RPN2: variants seen among roughly 807,000 people sequenced by gnomAD.
The protein encoded by RPN2 is dolichyl-diphosphooligosaccharide--protein glycosyltransferase subunit 2.
A neutral mutation model predicts 71.4 loss-of-function variants in RPN2; 29 were observed. That is an observed-to-expected ratio of 0.41 (90% confidence interval 0.30 to 0.55). RPN2 has a LOEUF of 0.55. RPN2 is among the 20% of genes least tolerant of loss of function. The pLI is 0.35. For missense variants in RPN2, 726 were observed against 774.1 expected (o/e 0.94, Z 0.74); for synonymous variants, 308 against 305.0 (o/e 1.01, Z -0.10).
intron 2 of RPN2, among the ~76,000 whole-genome samples, chr20:37,197,162 T>C (rs1298825252): frequency 6.6e-6 from 1 of 152,092 alleles, no homozygotes; most frequent in Non-Finnish European, 1.5e-5. Flanking sequence ...GTTAGGGCTA[T>C]GGTGATGCAG....
At position 37,234,043 on chromosome 20, in the gene RPN2, C is replaced by T. The variant is rs757241492; in HGVS notation, c.1701C>T (p.Val567=). Residue 567 remains valine, a synonymous_variant, in exon 15 of 17, where the codon GTC becomes GTT. Transcript: ENST00000237530. ...FALWIRIGAN[V]SNFTFAPSTI... ...AGTGGATCCGGATTGGTGCCAATGT[C>T]TCCAACTTCACTTTTGCTCCTAGCA... The T allele has an allele frequency of 1.2e-6, 2 of 1,614,208 alleles. No homozygotes were observed. The highest frequency in any genetic ancestry group is 1.7e-5 in the Admixed American group (1 of 60,030).
Position 37,210,028 on chromosome 20 carries a change from A to G in RPN2, c.868-19A>G. The G allele has an allele frequency of 1.2e-6, 2 of 1,612,858 alleles. No homozygotes were observed. Among genetic ancestry groups the G allele is most frequent in the South Asian group, 2.2e-5 (2 of 91,070 alleles). On this transcript the variant is annotated intron_variant, in intron 7 of 16. Coordinates refer to ENST00000237530, the MANE Select transcript of RPN2 (RefSeq NM_002951.5). ...CCTGTAGCCTTTGTTGTAACAAATAATTTTTTATTTATTTCCAGTTGCAAG... is the reference window on the plus strand; with the variant it reads ...CCTGTAGCCTTTGTTGTAACAAATAGTTTTTTATTTATTTCCAGTTGCAAG...
intron 14 of RPN2, 74 bp downstream of exon 14, chr20:37,232,465 G>A: frequency 6.4e-7 from 1 of 1,561,876 alleles, no homozygotes; most frequent in Non-Finnish European, 8.8e-7. Flanking sequence ...TCCAAAGGAG[G>A]CTGTGTTGTC....
chr20:37,181,699 G>A (rs907984964), intron 1 of RPN2, among the ~76,000 whole-genome samples: 2 of 152,172 alleles, frequency 1.3e-5, no homozygotes, highest in African/African-American at 4.8e-5. Flanking sequence ...GGTTAGAGGT[G>A]TGAGCCACTG....
Position 37,189,323 on chromosome 20 carries a change from ATGTGTGTGTGTGTGTGTG to A in RPN2, c.207+4971_207+4988del, listed in dbSNP as rs11474653. Among the ~76,000 whole-genome samples, 5 of 64,602 alleles carry A rather than the reference ATGTGTGTGTGTGTGTGTG, an allele frequency of 7.7e-5. No homozygotes were observed. The South Asian group carries it at 2.1e-3, about 27-fold the overall frequency. The allele number at this position is 64,602 out of a possible 152,430, so 42.4% of individuals were successfully genotyped here. On this transcript the variant is annotated intron_variant, in intron 2 of 16. Transcript: ENST00000237530. ...CCAATGGGCCAAACTGTGTGTGTGT[ATGTGTGTGTGTGTGTGTG>A]TGTGTGTGTGTGTGTGTGTGAACAT...
In RPN2 at chr20:37,225,814, A is replaced by T. The variant is rs201444880; in HGVS notation, c.1299+12A>T. On this transcript the variant is annotated intron_variant, in intron 11 of 16. Transcript: ENST00000237530. ...TCACTCCTCACCAGGTCAGGAAGAC[A>T]CCTAGACAGTTCTCTTAACCTGAAA... is the stretch of plus-strand genomic sequence containing the variant. 275 of 1,545,368 alleles carry T rather than the reference A, an allele frequency of 1.8e-4. 2 individuals carry two copies. Among genetic ancestry groups the T allele is most frequent in the East Asian group, 1.3e-4 (6 of 44,520 alleles).
chr20:37,184,236 A>C lies in RPN2; in HGVS notation c.70A>C (p.Thr24Pro), dbSNP rs751824140. The C allele has an allele frequency of 1.2e-6, 2 of 1,614,078 alleles. No homozygotes were observed. The highest frequency in any genetic ancestry group is 2.2e-5 in the South Asian group (2 of 91,086). The change falls in exon 2 of 17, where the codon ACG becomes CCG. Residue 24 changes from threonine to proline, a missense_variant. Physicochemically the swap from Thr to Pro is conservative, Grantham distance 38. Coordinates refer to ENST00000237530, the MANE Select transcript of RPN2 (RefSeq NM_002951.5). ...LTIIASTWALTPTHYLTKHDV... is the reference protein window; with the variant it reads ...LTIIASTWALPPTHYLTKHDV... ...AATCATAGCCAGCACCTGGGCTCTG[A>C]CGCCCACTCACTACCTCACCAAGCA... is the stretch of plus-strand genomic sequence containing the variant.
intron 2 of RPN2, among the ~76,000 whole-genome samples, chr20:37,191,369 G>A (rs368439405): frequency 8.7e-4 from 130 of 149,298 alleles, no homozygotes; most frequent in African/African-American, 2.9e-3. Flanking sequence ...CCAGCTACTC[G>A]GGAGGCCGAG....
chr20:37,210,063 T>G lies in RPN2; in HGVS notation c.884T>G (p.Val295Gly), dbSNP rs905032943. ...QAILRLQVTNVLSQPLTQATV... is the reference protein window; with the variant it reads ...QAILRLQVTNGLSQPLTQATV... ...TATTTCCAGTTGCAAGTCACCAATGTTCTGTCTCAGCCTCTGACTCAGGCC... is the reference window on the plus strand; with the variant it reads ...TATTTCCAGTTGCAAGTCACCAATGGTCTGTCTCAGCCTCTGACTCAGGCC... Residue 295 changes from valine to glycine, a missense_variant, in exon 8 of 17, where the codon GTT becomes GGT. Transcript: ENST00000237530. 17 of 1,614,010 alleles carry G rather than the reference T, an allele frequency of 1.1e-5. No individual in the cohort carries two copies. The highest frequency in any genetic ancestry group is 1.4e-5 in the Non-Finnish European group (17 of 1,180,016).
At chr20:37,213,625 G>C (rs746048392) in intron 8 of RPN2, 135 bp from the exon 9 acceptor site, 19 of 719,670 alleles carry the variant, frequency 2.6e-5, no homozygotes, top group Non-Finnish European at 4.5e-5. Context: ...GATTGCCCAA[G>C]TGGGGTGGGA....
intron 2 of RPN2, among the ~76,000 whole-genome samples, chr20:37,191,229 C>T (rs1166267437): frequency 6.6e-6 from 1 of 152,152 alleles, no homozygotes; most frequent in Non-Finnish European, 1.5e-5. Flanking sequence ...GTAATCTCAG[C>T]ACTTTGGGAG....
chr20:37,232,163 T>A (rs991252328), intron 13 of RPN2, 133 bp from the exon 14 acceptor site: 18 of 1,081,788 alleles, frequency 1.7e-5, no homozygotes, highest in Non-Finnish European at 2.5e-5. Context: ...TGCCCACTTG[T>A]TGCCAAGAGG....
intron 2 of RPN2, among the ~76,000 whole-genome samples, chr20:37,188,867 C>T (rs1400631139): frequency 6.6e-6 from 1 of 151,946 alleles, no homozygotes; most frequent in Admixed American, 6.6e-5. Context: ...AAGCCATCCT[C>T]CTGCCTCTGC....
chr20:37,183,927 A>ACTTACTTACTTACTC (rs2066940261), intron 1 of RPN2, among the ~76,000 whole-genome samples: 1 of 152,174 alleles, frequency 6.6e-6, no homozygotes, highest in African/African-American at 2.4e-5. Flanking sequence ...GGACTTACAG[A>ACTTACTTACTTACTC]CATCTTTCAG....
intron 16 of RPN2, among the ~76,000 whole-genome samples, chr20:37,239,145 A>G (rs2146723476): frequency 6.6e-6 from 1 of 152,356 alleles, no homozygotes; most frequent in South Asian, 2.1e-4. Context: ...GGGTCTGGCA[A>G]AAGTTTTCTG....
At chr20:37,205,439 G>A (rs945798285) in intron 6 of RPN2, among the ~76,000 whole-genome samples, 1 of 152,014 alleles carries the variant, frequency 6.6e-6, no homozygotes, top group Non-Finnish European at 1.5e-5. Context: ...ATCTTTAGTT[G>A]GAATGCATGT....
intron 2 of RPN2, among the ~76,000 whole-genome samples, chr20:37,185,985 G>C (rs528274849): frequency 6.6e-6 from 1 of 152,360 alleles, no homozygotes; most frequent in South Asian, 2.1e-4. Context: ...TTGTGGGCCT[G>C]AGGTCTCCAT....
At position 37,207,364 on chromosome 20, in the gene RPN2, T is replaced by A. The variant is rs370408116; in HGVS notation, c.782T>A (p.Val261Glu). Residue 261 changes from valine to glutamate, a missense_variant, in exon 7 of 17, where the codon GTG (valine) becomes GAG (glutamate). Coordinates refer to ENST00000237530, the MANE Select transcript of RPN2 (RefSeq NM_002951.5). ...EAFSVASAAA[V>E]LSHNRYHVPV... ...TTCAGCGTGGCCTCTGCAGCTGCTG[T>A]GCTCTCGCATAATCGCTACCACGTG... is the stretch of plus-strand genomic sequence containing the variant. 8 of 1,613,998 alleles carry A rather than the reference T, an allele frequency of 5.0e-6. No individual in the cohort carries two copies. In the African/African-American group the frequency reaches 1.1e-4, roughly 22 times the overall value.
chr20:37,234,063 C>T lies in RPN2; in HGVS notation c.1721C>T (p.Pro574Leu), dbSNP rs1434841940. 1 of 1,614,210 alleles carries T rather than the reference C, an allele frequency of 6.2e-7. No individual in the cohort carries two copies. Among genetic ancestry groups the T allele is most frequent in the African/African-American group, 1.3e-5 (1 of 75,050 alleles). Residue 574 changes from proline to leucine, a missense_variant, in exon 15 of 17, where the codon CCT becomes CTT. Physicochemically the swap from Pro to Leu is moderately conservative, Grantham distance 98. Transcript: ENST00000237530. ...AATGTCTCCAACTTCACTTTTGCTC[C>T]TAGCACGATTATATTTCACCTGGGA... ...GANVSNFTFA[P>L]STIIFHLGHA...
Sources: gnomAD v4.1 joint callset for allele counts (sites outside exome capture counted in the v4.1 genomes callset) on GRCh38, gnomAD v4.1.1 for gene constraint, MANE v1.5 for transcripts, NCBI Gene and HGNC (gene_info 2026-07-23, HGNC 2026-07-21) for gene names.